SLC16A13: variants seen among roughly 807,000 people sequenced by gnomAD.
SLC16A13 encodes the protein solute carrier family 16 member 13.
In SLC16A13, 28 loss-of-function variants were observed where a neutral mutation model predicts 28.1. That is an observed-to-expected ratio of 1.00 (90% CI 0.74 to 1.37). SLC16A13 has a LOEUF of 1.37. Among genes scored for constraint, SLC16A13 ranks in the 40% most tolerant of loss-of-function variants. The pLI, the probability that SLC16A13 is intolerant of heterozygous loss-of-function variation, is 0.00. For synonymous variants in SLC16A13, 228 were observed against 241.6 expected (o/e 0.94, Z 0.52); for missense variants, 482 against 531.8 (o/e 0.91, Z 0.92).
Position 7,039,940 on chromosome 17 carries a change from A to T in SLC16A13, c.1259A>T (p.Lys420Met). Residue 420 changes from lysine to methionine, a missense_variant, in exon 4 of 4, where the codon AAG becomes ATG. Transcript: ENST00000308027. This position sits in a 1 kb window ranked among gnomAD's most constrained non-coding sequence, Gnocchi z 4.3. ...CTAGATACTAAAGTTCCCCTACCCA[A>T]GGAGGGGCTGGAAGAGGACTGAACT... is the stretch of plus-strand genomic sequence containing the variant. ...EALDTKVPLP[K>M]EGLEED The T allele has an allele frequency of 6.2e-7, 1 of 1,613,910 alleles. No homozygotes were observed. The highest frequency in any genetic ancestry group is 8.5e-7 in the Non-Finnish European group (1 of 1,179,998).
In SLC16A13 at chr17:7,038,866, G is replaced by C; in HGVS notation, c.1058G>C (p.Gly353Ala). The C allele has an allele frequency of 6.2e-7, 1 of 1,609,798 alleles. No individual in the cohort carries two copies. The highest frequency in any genetic ancestry group is 8.5e-7 in the Non-Finnish European group (1 of 1,177,706). ...GLLQMIESIG[G>A]LLGPPLSGYL... Reference sequence around the variant, plus strand: ...TTGCAGATGATAGAGAGCATCGGGGGGCTGCTGGGGCCTCCTCTCTCAGGT... The same window carrying C: ...TTGCAGATGATAGAGAGCATCGGGGCGCTGCTGGGGCCTCCTCTCTCAGGT... Residue 353 changes from glycine to alanine, a missense_variant, in exon 3 of 4, where the codon GGG becomes GCG. Transcript: ENST00000308027. This position sits in a 1 kb window ranked among gnomAD's most constrained non-coding sequence, Gnocchi z 5.7.
In SLC16A13 at chr17:7,038,461, G is replaced by T; in HGVS notation, c.653G>T (p.Arg218Leu). The change falls in exon 3 of 4, where the codon CGT becomes CTT. Residue 218 changes from arginine (R) to leucine (L), a missense_variant. Physicochemically the swap from Arg to Leu is moderately radical, Grantham distance 102 (BLOSUM62 -2). Transcript: ENST00000308027. The surrounding 1 kb of genome is among the most constrained non-coding windows in gnomAD (Gnocchi z 5.7). ...CTCCTCCATCATGGCCCCTTCCTCC[G>T]TTACACTGTTGCCCTCACCCTGATC... is the stretch of plus-strand genomic sequence containing the variant. ...TSLLHHGPFL[R>L]YTVALTLINT... The T allele has an allele frequency of 6.2e-7, 1 of 1,613,940 alleles. No homozygotes were observed. The highest frequency in any genetic ancestry group is 8.5e-7 in the Non-Finnish European group (1 of 1,179,986).
At position 7,036,294 on chromosome 17, in the gene SLC16A13, C is replaced by G. The variant is rs1910576619; in HGVS notation, c.-89C>G. The stretch of plus-strand genomic sequence containing the variant: ...CAACCCCTCTCGGCCCCGAGCCACC[C>G]GGCAGCGGGGGTGGGTGTGCAGAGG... On this transcript the variant is annotated 5_prime_UTR_variant, in exon 1 of 4. Transcript: ENST00000308027. 7.2e-7 allele frequency: 1 copy of G among 1,385,302 alleles called. No homozygotes were observed. Among genetic ancestry groups the G allele is most frequent in the South Asian group, 1.4e-5 (1 of 72,866 alleles). 85.8% of individuals were successfully genotyped at this position (1,385,302 alleles called of 1,614,324 possible).
chr17:7,039,998 A>ACAGCTC lies in SLC16A13; in HGVS notation c.*40_*45dup. 1 of 1,590,038 alleles carries ACAGCTC rather than the reference A, an allele frequency of 6.3e-7. No homozygotes were observed. Among genetic ancestry groups the ACAGCTC allele is most frequent in the East Asian group, 2.2e-5 (1 of 44,692 alleles). On this transcript the variant is annotated 3_prime_UTR_variant, in exon 4 of 4. Transcript: ENST00000308027. The surrounding 1 kb of genome is among the most constrained non-coding windows in gnomAD (Gnocchi z 4.3). The stretch of plus-strand genomic sequence containing the variant: ...GTCAGGCCCAGAAAGCCAAAGCTTG[A>ACAGCTC]CAGCTCCAGGTCTTCTCTTGCCACG...
In SLC16A13 at chr17:7,036,041, T is replaced by G. The variant is rs1910570241; in HGVS notation, c.-342T>G. ...CACGGAAACTGGCGCGCTCCAGGGG[T>G]GGGGCCCAAACTCAGTTCCACCCTC... On this transcript the variant is annotated 5_prime_UTR_variant, in exon 1 of 4. Transcript: ENST00000308027. 4.3e-6 allele frequency: 1 copy of G among 231,260 alleles called. No individual in the cohort carries two copies. Among genetic ancestry groups the G allele is most frequent in the South Asian group, 1.1e-4 (1 of 9,428 alleles). 14.3% of individuals were successfully genotyped at this position (231,260 alleles called of 1,614,324 possible).
At position 7,038,100 on chromosome 17, in the gene SLC16A13, T is replaced by G; in HGVS notation, c.344-52T>G. 6.4e-7 allele frequency: 1 copy of G among 1,559,844 alleles called. No homozygotes were observed. Among genetic ancestry groups the G allele is most frequent in the Non-Finnish European group, 8.7e-7 (1 of 1,154,690 alleles). ...CTGCTGGGCAATGCGGGGATTACTG[T>G]GTGCCTTGAGCTCCCTAAGAGTTCT... On this transcript the variant is annotated intron_variant, in intron 2 of 3. Transcript: ENST00000308027. This position sits in a 1 kb window ranked among gnomAD's most constrained non-coding sequence, Gnocchi z 5.7.
Position 7,038,461 on chromosome 17 carries a change from G to A in SLC16A13, c.653G>A (p.Arg218His), listed in dbSNP as rs550979466. The A allele has an allele frequency of 4.9e-5, 79 of 1,613,938 alleles. No individual in the cohort carries two copies. In the African/African-American group the frequency reaches 5.3e-4, roughly 11 times the overall value. ...CTCCTCCATCATGGCCCCTTCCTCC[G>A]TTACACTGTTGCCCTCACCCTGATC... ...TSLLHHGPFL[R>H]YTVALTLINT... The change falls in exon 3 of 4, where the codon CGT (arginine) becomes CAT (histidine). Residue 218 changes from arginine to histidine, a missense_variant. Physicochemically the swap from Arg to His is conservative, Grantham distance 29. Coordinates refer to ENST00000308027, the MANE Select transcript of SLC16A13 (RefSeq NM_201566.3). The surrounding 1 kb of genome is among the most constrained non-coding windows in gnomAD (Gnocchi z 5.7).
At position 7,038,362 on chromosome 17, in the gene SLC16A13, G is replaced by C. The variant is rs774238674; in HGVS notation, c.554G>C (p.Cys185Ser). 1.9e-5 allele frequency: 30 copies of C among 1,613,948 alleles called. No homozygotes were observed. Among genetic ancestry groups the C allele is most frequent in the Non-Finnish European group, 2.5e-5 (29 of 1,180,014 alleles). ...VSALSLHLVA[C>S]GALLRPPSLA... ...GCCCTCTCCCTCCACCTAGTGGCCT[G>C]TGGTGCTCTCCTCCGCCCACCCTCC... Residue 185 changes from cysteine (C) to serine (S), a missense_variant, in exon 3 of 4, where the codon TGT becomes TCT. Transcript: ENST00000308027. This position sits in a 1 kb window ranked among gnomAD's most constrained non-coding sequence, Gnocchi z 5.7.
In SLC16A13 at chr17:7,036,024, C is replaced by G. The variant is rs150027746; in HGVS notation, c.-359C>G. 80 of 209,242 alleles carry G rather than the reference C, an allele frequency of 3.8e-4. No homozygotes were observed. The East Asian group carries it at 7.8e-3, about 20-fold the overall frequency. The allele number at this position is 209,242 out of a possible 1,614,324, so 13.0% of individuals were successfully genotyped here. ...ATAAAATAGATCATCTACACGGAAACTGGCGCGCTCCAGGGGTGGGGCCCA... is the reference window on the plus strand; with the variant it reads ...ATAAAATAGATCATCTACACGGAAAGTGGCGCGCTCCAGGGGTGGGGCCCA... On this transcript the variant is annotated 5_prime_UTR_variant, in exon 1 of 4. Coordinates refer to ENST00000308027, the MANE Select transcript of SLC16A13 (RefSeq NM_201566.3).
In SLC16A13 at chr17:7,036,803, G is replaced by A. The variant is rs764103517; in HGVS notation, c.276G>A (p.Leu92=). The A allele has an allele frequency of 2.5e-6, 4 of 1,613,936 alleles. No homozygotes were observed. The highest frequency in any genetic ancestry group is 2.5e-6 in the Non-Finnish European group (3 of 1,180,044). Residue 92 remains leucine (L), a synonymous_variant, in exon 2 of 4, where the codon CTG becomes CTA. Transcript: ENST00000308027. ...VVMTGGILAA[L]GMLLASFATS... The stretch of plus-strand genomic sequence containing the variant: ...TGACTGGAGGCATCTTGGCTGCGCT[G>A]GGGATGCTGCTCGCCTCTTTTGCTA...
rs940349237 is a variant in SLC16A13 at position 7,036,316 on chromosome 17, G to A, written c.-67G>A. 5.3e-6 allele frequency: 8 copies of A among 1,501,426 alleles called. No homozygotes were observed. In the African/African-American group the frequency reaches 1.1e-4, roughly 21 times the overall value. The allele number at this position is 1,501,426 out of a possible 1,614,324, so 93.0% of individuals were successfully genotyped here. A position where few individuals can be genotyped will look rare whatever the true frequency, so the allele number is the denominator to read the frequency against. The stretch of plus-strand genomic sequence containing the variant: ...ACCCGGCAGCGGGGGTGGGTGTGCA[G>A]AGGTGCGGCGTCCAGAACCCGGCTC... On this transcript the variant is annotated 5_prime_UTR_variant, in exon 1 of 4. Transcript: ENST00000308027.
Position 7,038,795 on chromosome 17 carries a change from G to T in SLC16A13, c.987G>T (p.Leu329=). 1.9e-6 allele frequency: 3 copies of T among 1,613,992 alleles called. No individual in the cohort carries two copies. Among genetic ancestry groups the T allele is most frequent in the Non-Finnish European group, 2.5e-6 (3 of 1,179,934 alleles). The change falls in exon 3 of 4, where the codon CTG becomes CTT. Residue 329 remains leucine (L), a synonymous_variant. Transcript: ENST00000308027. The surrounding 1 kb of genome is among the most constrained non-coding windows in gnomAD (Gnocchi z 5.7). ...TGGCCCCACTGGCCTTCTCCGTGCTGCCTGAACTAATAGGGACTAGAAGGA... is the reference window on the plus strand; with the variant it reads ...TGGCCCCACTGGCCTTCTCCGTGCTTCCTGAACTAATAGGGACTAGAAGGA... ...GALAPLAFSV[L]PELIGTRRIY...
intron 2 of SLC16A13, 84 bp downstream of exon 2, chr17:7,036,954 G>A: frequency 1.3e-6 from 2 of 1,522,442 alleles, no homozygotes; most frequent in South Asian, 1.2e-5. Flanking sequence ...AAAGGGTTCG[G>A]GGAGAAGCTG....
In SLC16A13 at chr17:7,038,502, A is replaced by C. The variant is rs902963097; in HGVS notation, c.694A>C (p.Ile232Leu). 6.2e-7 allele frequency: 1 copy of C among 1,614,048 alleles called. No homozygotes were observed. The highest frequency in any genetic ancestry group is 1.1e-5 in the South Asian group (1 of 91,082). ...ALTLINTGYF[I>L]PYLHLVAHLQ... ...CACCCTGATCAACACTGGCTACTTC[A>C]TTCCCTACCTCCACCTGGTGGCCCA... Residue 232 changes from isoleucine (I) to leucine (L), a missense_variant, in exon 3 of 4, where the codon ATT becomes CTT. Coordinates refer to ENST00000308027, the MANE Select transcript of SLC16A13 (RefSeq NM_201566.3). This position sits in a 1 kb window ranked among gnomAD's most constrained non-coding sequence, Gnocchi z 5.7.
Position 7,038,494 on chromosome 17 carries a change from G to A in SLC16A13, c.686G>A (p.Gly229Asp), listed in dbSNP as rs1187007296. Residue 229 changes from glycine to aspartate, a missense_variant, in exon 3 of 4, where the codon GGC becomes GAC. By Grantham distance (94) the Gly-to-Asp change is moderately conservative. Transcript: ENST00000308027. The surrounding 1 kb of genome is among the most constrained non-coding windows in gnomAD (Gnocchi z 5.7). ...GTTGCCCTCACCCTGATCAACACTG[G>A]CTACTTCATTCCCTACCTCCACCTG... is the stretch of plus-strand genomic sequence containing the variant. Reference protein sequence around the residue: ...YTVALTLINTGYFIPYLHLVA... With the variant: ...YTVALTLINTDYFIPYLHLVA... 1.9e-6 allele frequency: 3 copies of A among 1,614,172 alleles called. No homozygotes were observed. Among genetic ancestry groups the A allele is most frequent in the Non-Finnish European group, 1.7e-6 (2 of 1,180,024 alleles).
At position 7,039,414 on chromosome 17, in the gene SLC16A13, C is replaced by G. The variant is rs547232294; in HGVS notation, c.1082-349C>G. 6.6e-6 allele frequency among the ~76,000 whole-genome samples: 1 copy of G among 151,036 alleles called. No individual in the cohort carries two copies. The highest frequency in any genetic ancestry group is 1.5e-5 in the Non-Finnish European group (1 of 67,860). ...GGCGGAGCTTGCAGTGAGCTGAGAT[C>G]GCGCCACTGCACTTCAGCCTGGGCG... On this transcript the variant is annotated intron_variant, in intron 3 of 3. Coordinates refer to ENST00000308027, the MANE Select transcript of SLC16A13 (RefSeq NM_201566.3). The surrounding 1 kb of genome is among the most constrained non-coding windows in gnomAD (Gnocchi z 4.3).
At chr17:7,037,033 T>G in intron 2 of SLC16A13, 163 bp downstream of exon 2, 1 of 889,874 alleles carries the variant, frequency 1.1e-6, no homozygotes, top group South Asian at 1.7e-5. Context: ...GCGACAAACA[T>G]GGTGAGGAAT....
rs1567731959 is a variant in SLC16A13, at chr17:7,036,580, G to GA, written c.199dup (p.Ser67LysfsTer130). ...TAGGAATCGCGGTGCAGCAGTTTGG[G>GA]AGTGAGTGCGGCGCCTGGATCTGGC... On this transcript the variant is annotated frameshift_variant and splice_region_variant, in exon 1 of 4. Coordinates refer to ENST00000308027, the MANE Select transcript of SLC16A13 (RefSeq NM_201566.3). LOFTEE classifies it high-confidence loss of function. 2 of 1,612,370 alleles carry GA rather than the reference G, an allele frequency of 1.2e-6. No individual in the cohort carries two copies. Among genetic ancestry groups the GA allele is most frequent in the Admixed American group, 3.3e-5 (2 of 60,036 alleles).
rs1567732083 is a variant in SLC16A13, at chr17:7,036,876, A to G, written c.343+6A>G. 1.2e-6 allele frequency: 2 copies of G among 1,611,326 alleles called. No individual in the cohort carries two copies. The highest frequency in any genetic ancestry group is 4.5e-5 in the East Asian group (2 of 44,882). On this transcript the variant is annotated splice_donor_region_variant and intron_variant, in intron 2 of 3. Coordinates refer to ENST00000308027, the MANE Select transcript of SLC16A13 (RefSeq NM_201566.3). The stretch of plus-strand genomic sequence containing the variant: ...GAGTATTGGGTTGCTGTCAGGTGAG[A>G]GCCTGCACAAGGGCAGGAGAGTCAA...
Sources: allele counts gnomAD v4.1 joint callset (sites outside exome capture counted in the v4.1 genomes callset), GRCh38; gene constraint gnomAD v4.1.1; non-coding constraint Gnocchi (gnomAD v3.1); transcripts MANE v1.5; gene names NCBI Gene and HGNC (gene_info 2026-07-23, HGNC 2026-07-21).